The following TNFSF4 variants were observed in gnomAD, a reference collection of about 807,000 sequenced individuals.
TNFSF4 encodes TNF superfamily member 4.
Under a neutral mutation model 7.3 loss-of-function variants are expected in TNFSF4, and 4 were observed. The ratio of observed to expected loss-of-function variants is 0.55; its 90% CI spans 0.27 to 1.25. The LOEUF (loss-of-function observed/expected upper bound fraction) is 1.25, where lower values mean the gene tolerates loss of function less well. Among genes scored for constraint, TNFSF4 ranks in the 50% most tolerant of loss-of-function variants. The pLI is 0.12. For synonymous variants in TNFSF4, 76 were observed against 83.7 expected (o/e 0.91, Z 0.50); for missense variants, 181 against 208.8 (o/e 0.87, Z 0.82).
the TNFSF4 span, among the ~76,000 whole-genome samples, chr1:173,425,326 A>G: frequency 6.6e-6 from 1 of 152,216 alleles, no homozygotes; most frequent in Non-Finnish European, 1.5e-5. Flanking sequence ...AGGAAAAACA[A>G]GCTATGGAGA....
the TNFSF4 span, among the ~76,000 whole-genome samples, chr1:173,391,457 A>C: frequency 0.71 from 92,459 of 130,818 alleles, 32,436 homozygotes; most frequent in African/African-American, 0.78. Flanking sequence ...AAAAAAAAAA[A>C]AAAAAAAAAG....
At chr1:173,257,139 A>G in the TNFSF4 span, among the ~76,000 whole-genome samples, 2 of 152,210 alleles carry the variant, frequency 1.3e-5, no homozygotes, top group African/African-American at 4.8e-5. Context: ...CCAAGAAAGA[A>G]ACTCTTTCGT....
At chr1:173,261,227 T>C in the TNFSF4 span, among the ~76,000 whole-genome samples, 1 of 152,116 alleles carries the variant, frequency 6.6e-6, no homozygotes, top group Admixed American at 6.5e-5. Flanking sequence ...CCTGAATGAC[T>C]CCTGGGTAAA....
the TNFSF4 span, among the ~76,000 whole-genome samples, chr1:173,243,760 G>A: frequency 1.3e-5 from 2 of 152,146 alleles, no homozygotes; most frequent in Admixed American, 6.5e-5. Context: ...CTGAGTCCCA[G>A]GATACACTAA....
the TNFSF4 span, among the ~76,000 whole-genome samples, chr1:173,296,248 T>A: frequency 6.6e-6 from 1 of 151,922 alleles, no homozygotes; most frequent in African/African-American, 2.4e-5. Context: ...AAACCAAAGG[T>A]GATGTCATCA....
intron 1 of TNFSF4, among the ~76,000 whole-genome samples, chr1:173,203,761 C>A (rs1036359700): frequency 2.0e-5 from 3 of 152,240 alleles, no homozygotes; most frequent in Middle Eastern, 3.4e-3. Flanking sequence ...GCCTTCAGGT[C>A]TTTGAGCATG....
At chr1:173,254,610 C>T in the TNFSF4 span, among the ~76,000 whole-genome samples, 1 of 152,252 alleles carries the variant, frequency 6.6e-6, no homozygotes, top group South Asian at 2.1e-4. Flanking sequence ...TAAAAAATGA[C>T]CTTCTATAAT....
chr1:173,297,161 C>T, the TNFSF4 span, among the ~76,000 whole-genome samples: 2 of 151,802 alleles, frequency 1.3e-5, no homozygotes, highest in Admixed American at 1.3e-4. Flanking sequence ...CATTGGAGTA[C>T]AGAGAAAGGT....
chr1:173,325,134 T>C, the TNFSF4 span, among the ~76,000 whole-genome samples: 1 of 152,060 alleles, frequency 6.6e-6, no homozygotes, highest in Non-Finnish European at 1.5e-5. Context: ...CCTCAGCAAA[T>C]GTAAAAGAAC....
At chr1:173,303,524 C>T in the TNFSF4 span, among the ~76,000 whole-genome samples, 8 of 151,924 alleles carry the variant, frequency 5.3e-5, no homozygotes, top group South Asian at 4.2e-4. Flanking sequence ...TTTAAAGTGG[C>T]GGTGTTTGTC....
chr1:173,447,166 G>A, the TNFSF4 span, among the ~76,000 whole-genome samples: 4 of 152,290 alleles, frequency 2.6e-5, no homozygotes, highest in African/African-American at 7.2e-5. Flanking sequence ...TTCCTACTAT[G>A]CGATATTCTG....
At chr1:173,397,931 T>A in the TNFSF4 span, among the ~76,000 whole-genome samples, 42 of 152,296 alleles carry the variant, frequency 2.8e-4, no homozygotes, top group African/African-American at 9.4e-4. Context: ...ATGACATAGA[T>A]TATCATAAGC....
intron 1 of TNFSF4, among the ~76,000 whole-genome samples, chr1:173,191,853 G>A (rs1038563132): frequency 2.6e-5 from 4 of 152,186 alleles, no homozygotes; most frequent in Admixed American, 6.5e-5. Context: ...GCATCCAGCA[G>A]TTTGCCAGCA....
At chr1:173,225,321 T>C in the TNFSF4 span, among the ~76,000 whole-genome samples, 10 of 152,206 alleles carry the variant, frequency 6.6e-5, no homozygotes, top group Non-Finnish European at 8.8e-5. Flanking sequence ...ATTCTCAATT[T>C]TCATAGGTTA....
chr1:173,230,731 A>G, the TNFSF4 span, among the ~76,000 whole-genome samples: 1 of 152,192 alleles, frequency 6.6e-6, no homozygotes, highest in African/African-American at 2.4e-5. Flanking sequence ...ACACAATAAA[A>G]AATGATAAAG....
At chr1:173,306,559 T>A in the TNFSF4 span, among the ~76,000 whole-genome samples, 1 of 151,914 alleles carries the variant, frequency 6.6e-6, no homozygotes, top group Admixed American at 6.6e-5. Context: ...TGGAGTGGTT[T>A]TGTGGCTTTT....
the TNFSF4 span, among the ~76,000 whole-genome samples, chr1:173,416,608 T>TTTTTTTTA: frequency 2.2e-4 from 27 of 121,984 alleles, no homozygotes; most frequent in Non-Finnish European, 3.7e-4. Context: ...ATTTTTTTAT[T>TTTTTTTTA]TTTATTTATT....
At chr1:173,323,939 C>T in the TNFSF4 span, among the ~76,000 whole-genome samples, 2 of 152,186 alleles carry the variant, frequency 1.3e-5, no homozygotes, top group African/African-American at 4.8e-5. Context: ...AAACACTCTG[C>T]AGGATATTGT....
chr1:173,351,858 C>A, the TNFSF4 span: 1 of 594,856 alleles, frequency 1.7e-6, no homozygotes, highest in South Asian at 1.8e-5. Flanking sequence ...CACAACTGTC[C>A]ATGTAGGCAT....
Sources: gnomAD v4.1 joint callset for allele counts (sites outside exome capture counted in the v4.1 genomes callset) on GRCh38, gnomAD v4.1.1 for gene constraint, MANE v1.5 for transcripts, NCBI Gene and HGNC (gene_info 2026-07-23, HGNC 2026-07-21) for gene names.